Variants in ADAMTS12 observed in about 807,000 individuals in gnomAD.
The protein encoded by ADAMTS12 is ADAM metallopeptidase with thrombospondin type 1 motif 12, also known as A disintegrin and metalloproteinase with thrombospondin motifs 12.
ADAMTS12 carries 118 observed loss-of-function variants against 167.8 expected under a neutral mutation model. The ratio of observed to expected loss-of-function variants is 0.70; its 90% CI spans 0.61 to 0.82. ADAMTS12 has a LOEUF of 0.82. Among genes scored for constraint, ADAMTS12 ranks in the 40% least tolerant of loss-of-function variants. The pLI is 0.00. For synonymous variants in ADAMTS12, 704 were observed against 716.9 expected (o/e 0.98, Z 0.29); for missense variants, 1,916 against 1,998.8 (o/e 0.96, Z 0.79).
At chr5:33,533,796 A>G (rs917941219) in intron 23 of ADAMTS12, among the ~76,000 whole-genome samples, 3 of 151,858 alleles carry the variant, frequency 2.0e-5, no homozygotes, top group African/African-American at 7.3e-5. Context: ...TAATTCACAG[A>G]CTCCTTAACA....
chr5:33,555,497 C>A (rs1745450600), intron 20 of ADAMTS12, among the ~76,000 whole-genome samples: 1 of 152,140 alleles, frequency 6.6e-6, no homozygotes, highest in African/African-American at 2.4e-5. Flanking sequence ...TGATTGCCTG[C>A]CTTGGCCTCC....
chr5:33,743,437 T>C (rs945837050), intron 3 of ADAMTS12, among the ~76,000 whole-genome samples: 19 of 152,182 alleles, frequency 1.2e-4, no homozygotes, highest in Non-Finnish European at 2.6e-4. Context: ...AGGATTGCTG[T>C]GGCCAATTGG....
intron 3 of ADAMTS12, among the ~76,000 whole-genome samples, chr5:33,696,346 G>A (rs996195135): frequency 1.3e-5 from 2 of 151,162 alleles, no homozygotes; most frequent in African/African-American, 2.4e-5. Context: ...GCGGGAACCC[G>A]GGAGGCAGAG....
intron 9 of ADAMTS12, among the ~76,000 whole-genome samples, chr5:33,648,582 A>G (rs1225449595): frequency 1.3e-5 from 2 of 152,144 alleles, no homozygotes; most frequent in Non-Finnish European, 2.9e-5. Context: ...ATCACTATGG[A>G]GCTGTGTCAA....
Position 33,549,242 on chromosome 5 carries a change from G to A in ADAMTS12, c.4267C>T (p.Pro1423Ser). Residue 1423 changes from proline to serine, a missense_variant, in exon 21 of 24, where the codon CCC becomes TCC. Pro to Ser is a moderately conservative substitution (Grantham distance 74). Coordinates refer to ENST00000504830, the MANE Select transcript of ADAMTS12 (RefSeq NM_030955.4). ...PPLSMSCNPE[P>S]CEAWQVEPWS... ...GGCTCCACCTGCCACGCCTCACAGGGCTCCGGGTTACAGCTCATGCTCAAT... is the reference window on the plus strand; with the variant it reads ...GGCTCCACCTGCCACGCCTCACAGGACTCCGGGTTACAGCTCATGCTCAAT... The A allele has an allele frequency of 1.2e-6, 2 of 1,614,180 alleles. No homozygotes were observed. The highest frequency in any genetic ancestry group is 1.1e-5 in the South Asian group (1 of 91,082).
At chr5:33,666,530 G>T (rs575162613) in intron 5 of ADAMTS12, among the ~76,000 whole-genome samples, 26 of 151,414 alleles carry the variant, frequency 1.7e-4, no homozygotes, top group Non-Finnish European at 3.4e-4. Context: ...GTCTCACTCT[G>T]TTGCCAGGCT....
intron 3 of ADAMTS12, among the ~76,000 whole-genome samples, chr5:33,724,191 A>C (rs1300195154): frequency 6.6e-6 from 1 of 152,098 alleles, no homozygotes; most frequent in Non-Finnish European, 1.5e-5. Context: ...CTGGATTTTG[A>C]GCCCTTTTTA....
intron 2 of ADAMTS12, among the ~76,000 whole-genome samples, chr5:33,773,901 G>A (rs1483764431): frequency 6.6e-6 from 1 of 152,150 alleles, no homozygotes; most frequent in African/African-American, 2.4e-5. Context: ...GAAAGCAGCT[G>A]GCTGAGTTTG....
At chr5:33,840,454 G>C (rs1420487726) in intron 2 of ADAMTS12, 1 of 152,238 alleles carries the variant, frequency 6.6e-6, no homozygotes, top group African/African-American at 2.4e-5. Flanking sequence ...TTAACTCACA[G>C]CTTGGCCACA....
intron 2 of ADAMTS12, among the ~76,000 whole-genome samples, chr5:33,807,474 C>T (rs35418755): frequency 0.24 from 36,346 of 152,080 alleles, 5,009 homozygotes; most frequent in South Asian, 0.39. Flanking sequence ...ATAATGTTAG[C>T]GCCTATATCA....
At chr5:33,679,307 T>A (rs968075548) in intron 5 of ADAMTS12, among the ~76,000 whole-genome samples, 2 of 152,222 alleles carry the variant, frequency 1.3e-5, no homozygotes, top group Non-Finnish European at 2.9e-5. Flanking sequence ...CACATTGCTA[T>A]AAAGAACTGC....
chr5:33,558,591 A>G (rs1281879413), intron 20 of ADAMTS12, among the ~76,000 whole-genome samples: 1 of 152,212 alleles, frequency 6.6e-6, no homozygotes, highest in Non-Finnish European at 1.5e-5. Context: ...CGGACCCCAG[A>G]GATGAGCTTG....
intron 3 of ADAMTS12, among the ~76,000 whole-genome samples, chr5:33,689,887 C>A (rs1314519406): frequency 6.6e-6 from 1 of 152,214 alleles, no homozygotes; most frequent in Admixed American, 6.5e-5. Context: ...AAAGAATGAA[C>A]CCCAAAGTTG....
intron 2 of ADAMTS12, among the ~76,000 whole-genome samples, chr5:33,811,643 T>C (rs530355165): frequency 6.6e-6 from 1 of 152,312 alleles, no homozygotes; most frequent in East Asian, 1.9e-4. Flanking sequence ...CAGGGCCCCA[T>C]ACGTTGCAGT....
intron 10 of ADAMTS12, among the ~76,000 whole-genome samples, chr5:33,642,545 G>A (rs1341950775): frequency 6.6e-6 from 1 of 152,086 alleles, no homozygotes; most frequent in Non-Finnish European, 1.5e-5. Context: ...TCTACCCATT[G>A]TTTGCAGCTC....
intron 3 of ADAMTS12, among the ~76,000 whole-genome samples, chr5:33,684,507 C>T (rs1232920444): frequency 1.3e-5 from 2 of 152,166 alleles, no homozygotes; most frequent in African/African-American, 2.4e-5. Context: ...AAATAACTTA[C>T]CCAGAGTTGT....
At chr5:33,601,090 C>T (rs1285911042) in intron 16 of ADAMTS12, among the ~76,000 whole-genome samples, 2 of 145,976 alleles carry the variant, frequency 1.4e-5, no homozygotes, top group Non-Finnish European at 3.0e-5. Flanking sequence ...ACTATAGAAG[C>T]TCAAACACAT....
At chr5:33,597,483 A>G (rs935595726) in intron 16 of ADAMTS12, among the ~76,000 whole-genome samples, 2 of 152,234 alleles carry the variant, frequency 1.3e-5, no homozygotes, top group Admixed American at 6.5e-5. Flanking sequence ...CTTTACAGCC[A>G]AGGACACTGA....
intron 2 of ADAMTS12, among the ~76,000 whole-genome samples, chr5:33,757,670 A>G (rs545026651): frequency 6.6e-6 from 1 of 152,354 alleles, no homozygotes; most frequent in African/African-American, 2.4e-5. Flanking sequence ...AATGGGTTCT[A>G]AAAGAATATA....
Sources: allele counts gnomAD v4.1 joint callset (sites outside exome capture counted in the v4.1 genomes callset), GRCh38; gene constraint gnomAD v4.1.1; transcripts MANE v1.5; gene names NCBI Gene and HGNC (gene_info 2026-07-23, HGNC 2026-07-21).